Variants in FAT2 observed in about 807,000 individuals in gnomAD.
FAT2 encodes the protein protocadherin Fat 2.
In FAT2, 150 loss-of-function variants were observed where a neutral mutation model predicts 295.3. The ratio of observed to expected loss-of-function variants is 0.51; its 90% CI spans 0.44 to 0.58. FAT2 has a LOEUF of 0.58. FAT2 is among the 20% of genes least tolerant of loss of function. FAT2 has a pLI of 0.00. For synonymous variants in FAT2, 2,026 were observed against 2,150.3 expected, an observed-to-expected ratio of 0.94 and a Z score of 1.60; for missense variants, 4,868 against 5,442.7, an observed-to-expected ratio of 0.89 and a Z score of 3.32.
At chr5:151,564,763 C>T (rs948892927) in intron 2 of FAT2, among the ~76,000 whole-genome samples, 1 of 152,180 alleles carries the variant, frequency 6.6e-6, no homozygotes, top group African/African-American at 2.4e-5. Flanking sequence ...ATCCTCTGAC[C>T]TAGAAACTTC....
In FAT2 at chr5:151,545,544, A is replaced by G; in HGVS notation, c.5583T>C (p.His1861=). The change falls in exon 10 of 24, where the codon CAT becomes CAC. Residue 1861 remains histidine (H), a synonymous_variant. Coordinates refer to ENST00000261800, the MANE Select transcript of FAT2 (RefSeq NM_001447.3). ...FAPRPAQVII[H]VRDVNDSPPR... is the part of the protein sequence containing the mutation. The stretch of plus-strand genomic sequence containing the variant: ...GAGGGGAATCATTCACATCTCTGAC[A>G]TGAATGATGACTTGGGCAGGTCTGG... The G allele has an allele frequency of 6.2e-7, 1 of 1,614,140 alleles. No homozygotes were observed. Among genetic ancestry groups the G allele is most frequent in the Non-Finnish European group, 8.5e-7 (1 of 1,179,970 alleles).
intron 9 of FAT2, among the ~76,000 whole-genome samples, chr5:151,546,580 A>G (rs1224449231): frequency 6.6e-6 from 1 of 152,240 alleles, no homozygotes; most frequent in Non-Finnish European, 1.5e-5. Context: ...AACTTAAGCT[A>G]CAAACCAAAG....
rs772408322 is a variant in FAT2 at position 151,544,579 on chromosome 5, T to C, written c.6548A>G (p.Asn2183Ser). The change falls in exon 10 of 24, where the codon AAT becomes AGT. Residue 2183 changes from asparagine (N) to serine (S), a missense_variant. By Grantham distance (46) the Asn-to-Ser change is conservative. Transcript: ENST00000261800. ...SPYYKVRVPE[N>S]ITLYTPILHT... ...GAGAATTGGGGTATAGAGGGTGATA[T>C]TTTCAGGTACTCTGACTTTGTAATA... 10 of 1,614,040 alleles carry C rather than the reference T, an allele frequency of 6.2e-6. No individual in the cohort carries two copies. Among genetic ancestry groups the C allele is most frequent in the African/African-American group, 2.7e-5 (2 of 74,994 alleles).
intron 11 of FAT2, 81 bp from the exon 12 acceptor site, chr5:151,538,027 G>A: frequency 7.6e-7 from 1 of 1,313,706 alleles, no homozygotes; most frequent in Non-Finnish European, 1.1e-6. Flanking sequence ...CTGACTGAGG[G>A]AGGCAGAAGC....
Position 151,545,250 on chromosome 5 carries a change from G to A in FAT2, c.5877C>T (p.Thr1959=), listed in dbSNP as rs976168674. The A allele has an allele frequency of 1.2e-6, 2 of 1,614,056 alleles. No homozygotes were observed. The highest frequency in any genetic ancestry group is 1.7e-6 in the Non-Finnish European group (2 of 1,180,008). ...ACTGCAAGCTTTTGTCAAGCACTTG[G>A]GTCAAAGAAATTTTTACCAGCGCAG... is the stretch of plus-strand genomic sequence containing the variant. ...QDTALVKISL[T]QVLDKSLQFD... is the part of the protein sequence containing the mutation. Residue 1959 remains threonine (T), a synonymous_variant, in exon 10 of 24, where the codon ACC becomes ACT. Coordinates refer to ENST00000261800, the MANE Select transcript of FAT2 (RefSeq NM_001447.3).
intron 14 of FAT2, among the ~76,000 whole-genome samples, chr5:151,530,406 T>C (rs7706012): frequency 0.75 from 114,724 of 152,080 alleles, 43,508 homozygotes; most frequent in East Asian, 0.96. Context: ...TACAAGGACC[T>C]GAGGGATATG....
chr5:151,551,460 C>T lies in FAT2; in HGVS notation c.4296+7G>A, dbSNP rs951729589. On this transcript the variant is annotated splice_region_variant and intron_variant, in intron 7 of 23. Transcript: ENST00000261800. ...CAATACAGGGGTCCCCAGCCGAGGCCTCTAACCTGTGTGGCAATGGTGCGG... is the reference window on the plus strand; with the variant it reads ...CAATACAGGGGTCCCCAGCCGAGGCTTCTAACCTGTGTGGCAATGGTGCGG... 4 of 1,613,938 alleles carry T rather than the reference C, an allele frequency of 2.5e-6. No homozygotes were observed. Among genetic ancestry groups the T allele is most frequent in the Non-Finnish European group, 2.5e-6 (3 of 1,180,004 alleles).
At chr5:151,574,088 A>G (rs570852651) in intron 1 of FAT2, among the ~76,000 whole-genome samples, 1 of 152,254 alleles carries the variant, frequency 6.6e-6, no homozygotes, top group Non-Finnish European at 1.5e-5. Context: ...CCCCAATGGC[A>G]GCGAAGGGAT....
At position 151,556,349 on chromosome 5, in the gene FAT2, G is replaced by A. The variant is rs1469578626; in HGVS notation, c.3628C>T (p.Leu1210=). 6.2e-7 allele frequency: 1 copy of A among 1,613,606 alleles called. No individual in the cohort carries two copies. The highest frequency in any genetic ancestry group is 1.3e-5 in the African/African-American group (1 of 75,046). ...GATTCACCACCATTACTTACCTCCAGGATGTGTTCATCCTTGTTCTCTCTG... is the reference window on the plus strand; with the variant it reads ...GATTCACCACCATTACTTACCTCCAAGATGTGTTCATCCTTGTTCTCTCTG... The part of the protein sequence containing the change: ...LDRENKDEHI[L]EVTVLDNGEP... Residue 1210 remains leucine, a synonymous_variant, in exon 4 of 24, where the codon CTG becomes TTG. Transcript: ENST00000261800.
chr5:151,527,437 CT>C, intron 16 of FAT2, 60 bp from the exon 17 acceptor site: 2 of 1,463,584 alleles, frequency 1.4e-6, no homozygotes, highest in South Asian at 1.4e-5. Flanking sequence ...CTTCTGCCCC[CT>C]GAGTCATCAC....
chr5:151,562,710 G>A (rs752713360), intron 3 of FAT2, among the ~76,000 whole-genome samples: 10 of 152,198 alleles, frequency 6.6e-5, no homozygotes, highest in Non-Finnish European at 1.2e-4. Context: ...AAAAATAATT[G>A]TTTAAAGCTT....
In FAT2 at chr5:151,556,324, G is replaced by C. The variant is rs756636455; in HGVS notation, c.3633+20C>G. On this transcript the variant is annotated intron_variant, in intron 4 of 23. Coordinates refer to ENST00000261800, the MANE Select transcript of FAT2 (RefSeq NM_001447.3). ...ATGGCTCCACAAATCACCACAAATGGATTCACCACCATTACTTACCTCCAG... is the reference window on the plus strand; with the variant it reads ...ATGGCTCCACAAATCACCACAAATGCATTCACCACCATTACTTACCTCCAG... 7 of 1,609,812 alleles carry C rather than the reference G, an allele frequency of 4.3e-6. No individual in the cohort carries two copies. The highest frequency in any genetic ancestry group is 1.7e-4 in the Middle Eastern group (1 of 6,044).
chr5:151,575,270 T>A (rs116591249), intron 1 of FAT2, among the ~76,000 whole-genome samples: 2,081 of 152,330 alleles, frequency 0.014, 47 homozygotes, highest in African/African-American at 0.048. Context: ...TTATTCTGTC[T>A]TACATCTGTA....
chr5:151,588,676 G>C (rs1414206132), intron 1 of FAT2, among the ~76,000 whole-genome samples: 1 of 152,162 alleles, frequency 6.6e-6, no homozygotes, highest in Non-Finnish European at 1.5e-5. Flanking sequence ...GCTTATCTTA[G>C]TAGGAGAGCC....
chr5:151,592,173 A>G (rs780539635), upstream of FAT2, among the ~76,000 whole-genome samples: 37 of 152,208 alleles, frequency 2.4e-4, 1 homozygote, highest in Non-Finnish European at 5.0e-4. Context: ...TAATTCCATT[A>G]CGCACCCTGT....
intron 1 of FAT2, among the ~76,000 whole-genome samples, chr5:151,583,128 T>C (rs1356690566): frequency 6.6e-6 from 1 of 152,162 alleles, no homozygotes; most frequent in Non-Finnish European, 1.5e-5. Flanking sequence ...TTGTAATAAA[T>C]AGAACTTAAC....
At position 151,521,500 on chromosome 5, in the gene FAT2, T is replaced by C; in HGVS notation, c.11093A>G (p.Glu3698Gly). The change falls in exon 19 of 24, where the codon GAG (glutamate) becomes GGG (glycine). Residue 3698 changes from glutamate to glycine, a missense_variant. Physicochemically the swap from Glu to Gly is moderately conservative, Grantham distance 98. This residue lies in a region of FAT2 where 1,046 missense variants were observed against 1,210.1 expected (regional missense o/e 0.86). Transcript: ENST00000261800. ...GHSGTFYEFQ[E>G]LASIITHSAK... is the part of the protein sequence containing the mutation. ...TGAGTGAGTGATGATGGATGCTAGC[T>C]CCTGAAACTCGTAGAAGGTTCCAGA... is the stretch of plus-strand genomic sequence containing the variant. 1 of 1,614,176 alleles carries C rather than the reference T, an allele frequency of 6.2e-7. No individual in the cohort carries two copies. Among genetic ancestry groups the C allele is most frequent in the Non-Finnish European group, 8.5e-7 (1 of 1,180,016 alleles).
At chr5:151,555,324 A>C (rs1206768345) in intron 4 of FAT2, among the ~76,000 whole-genome samples, 1 of 151,560 alleles carries the variant, frequency 6.6e-6, no homozygotes, top group Non-Finnish European at 1.5e-5. Flanking sequence ...GTCCCTAGGA[A>C]TTCTAGAAGG....
rs1756359391 is a variant in FAT2 at position 151,543,585 on chromosome 5, G to A, written c.7542C>T (p.Gly2514=). The A allele has an allele frequency of 6.2e-7, 1 of 1,614,038 alleles. No homozygotes were observed. Among genetic ancestry groups the A allele is most frequent in the Non-Finnish European group, 8.5e-7 (1 of 1,180,036 alleles). The change falls in exon 10 of 24, where the codon GGC becomes GGT. Residue 2514 remains glycine, a synonymous_variant. Transcript: ENST00000261800. ...TATTGATGATAGTATAATCTATAGT[G>A]CCATAGGGACCACTATCTTTGTCTA... The part of the protein sequence containing the change: ...LAIDKDSGPY[G]TIDYTIINKL...
Sources: allele counts gnomAD v4.1 joint callset (sites outside exome capture counted in the v4.1 genomes callset), GRCh38; gene constraint gnomAD v4.1.1; regional missense constraint gnomAD v4.1.1; transcripts MANE v1.5; gene names NCBI Gene and HGNC (gene_info 2026-07-23, HGNC 2026-07-21).